SCAPER: variants seen among roughly 807,000 people sequenced by gnomAD.
SCAPER encodes S phase cyclin A-associated protein in the endoplasmic reticulum.
Under a neutral mutation model 182.2 loss-of-function variants are expected in SCAPER, and 98 were observed. The observed-to-expected ratio is 0.54, with a 90% confidence interval of 0.46 to 0.64. The LOEUF (loss-of-function observed/expected upper bound fraction) is 0.64, where lower values mean the gene tolerates loss of function less well. Ranked by LOEUF, SCAPER falls within the 30% of genes least tolerant of loss-of-function variation. The pLI is 0.00. For synonymous variants in SCAPER, 605 were observed against 564.6 expected (o/e 1.07, Z -1.01); for missense variants, 1,432 against 1,690.0 (o/e 0.85, Z 2.68).
chr15:76,881,999 A>G (rs1384934479), intron 2 of SCAPER, among the ~76,000 whole-genome samples: 1 of 152,224 alleles, frequency 6.6e-6, no homozygotes, highest in Non-Finnish European at 1.5e-5. Context: ...ATTTTGAACC[A>G]TGTAAATGCT....
At chr15:76,664,333 T>C (rs1243084660) in intron 21 of SCAPER, among the ~76,000 whole-genome samples, 1 of 152,192 alleles carries the variant, frequency 6.6e-6, no homozygotes, top group Admixed American at 6.5e-5. Flanking sequence ...ATTCTGAATA[T>C]ATTTTTAAAG....
chr15:76,424,645 T>G (rs1235778467), intron 26 of SCAPER, among the ~76,000 whole-genome samples: 1 of 152,218 alleles, frequency 6.6e-6, no homozygotes, highest in African/African-American at 2.4e-5. Flanking sequence ...TATGTGTGAA[T>G]TTGATCCTGC....
intron 21 of SCAPER, among the ~76,000 whole-genome samples, chr15:76,645,496 A>T (rs1181342134): frequency 6.6e-6 from 1 of 151,584 alleles, no homozygotes; most frequent in African/African-American, 2.4e-5. Flanking sequence ...ACAATACCTG[A>T]GGCATAATAA....
intron 2 of SCAPER, among the ~76,000 whole-genome samples, chr15:76,876,185 C>T (rs1398032633): frequency 1.3e-5 from 2 of 151,990 alleles, no homozygotes; most frequent in South Asian, 2.1e-4. Flanking sequence ...GGTTCCCGCC[C>T]GTGCCTCTCC....
chr15:76,554,202 C>A (rs1489950286), intron 23 of SCAPER, among the ~76,000 whole-genome samples: 1 of 152,132 alleles, frequency 6.6e-6, no homozygotes, highest in East Asian at 1.9e-4. Flanking sequence ...CAAGTATTAA[C>A]AGCACAATCA....
At chr15:76,881,848 C>T (rs2073560155) in intron 2 of SCAPER, among the ~76,000 whole-genome samples, 1 of 152,004 alleles carries the variant, frequency 6.6e-6, no homozygotes, top group Admixed American at 6.5e-5. Flanking sequence ...GAACTGTATA[C>T]TTAAAAATGG....
chr15:76,703,595 T>C (rs1035155122), intron 18 of SCAPER, among the ~76,000 whole-genome samples: 2 of 152,188 alleles, frequency 1.3e-5, no homozygotes, highest in Admixed American at 6.5e-5. Context: ...TAGAATGGCA[T>C]CGCACCTACC....
chr15:76,750,277 G>GT (rs963584764), intron 15 of SCAPER, among the ~76,000 whole-genome samples: 4 of 151,760 alleles, frequency 2.6e-5, no homozygotes, highest in Non-Finnish European at 5.9e-5. Context: ...CTTACAACTA[G>GT]TAAGGACATT....
intron 22 of SCAPER, among the ~76,000 whole-genome samples, chr15:76,617,616 T>C (rs997592716): frequency 1.3e-5 from 2 of 152,186 alleles, no homozygotes; most frequent in African/African-American, 4.8e-5. Context: ...TCCCTTCATG[T>C]GATTTCTCAC....
At chr15:76,542,437 C>A (rs747453175) in intron 23 of SCAPER, among the ~76,000 whole-genome samples, 1 of 151,898 alleles carries the variant, frequency 6.6e-6, no homozygotes, top group African/African-American at 2.4e-5. Context: ...GCAGGAGAAT[C>A]GCTTGAACCT....
chr15:76,376,438 C>T (rs1269845668), intron 28 of SCAPER, 127 bp from the exon 29 acceptor site: 1 of 1,008,918 alleles, frequency 9.9e-7, no homozygotes. Context: ...TTCTACAGTA[C>T]TATGCTTAAT....
At chr15:76,459,607 T>C (rs1286444093) in intron 25 of SCAPER, among the ~76,000 whole-genome samples, 18 of 151,430 alleles carry the variant, frequency 1.2e-4, no homozygotes, top group Non-Finnish European at 1.0e-4. Flanking sequence ...AGTTTGTAAA[T>C]ATTTTCTCCC....
intron 24 of SCAPER, among the ~76,000 whole-genome samples, chr15:76,494,140 A>G (rs1481243360): frequency 6.6e-6 from 1 of 152,212 alleles, no homozygotes; most frequent in East Asian, 1.9e-4. Flanking sequence ...AGGAGGTGAC[A>G]CATAGGTTCC....
chr15:76,602,307 A>G (rs1239912514), intron 22 of SCAPER, among the ~76,000 whole-genome samples: 1 of 121,558 alleles, frequency 8.2e-6, no homozygotes, highest in African/African-American at 2.5e-5. Context: ...AGGCAAGTCT[A>G]ATAGCAACAA....
rs12591036 is a variant in SCAPER, at chr15:76,897,748, G to C, written c.-60+7551C>G. 7.5e-4 allele frequency among the ~76,000 whole-genome samples: 114 copies of C among 152,274 alleles called. No homozygotes were observed. In the East Asian group the frequency reaches 0.02, roughly 26 times the overall value. Reference sequence around the variant, plus strand: ...AATTATTATTTCTTAAGTCCCACCAGATACTGATTAACTTGAAATCCTTAC... The same window carrying C: ...AATTATTATTTCTTAAGTCCCACCACATACTGATTAACTTGAAATCCTTAC... On this transcript the variant is annotated intron_variant, in intron 1 of 31. Transcript: ENST00000563290.
chr15:76,630,511 T>G (rs1223895729), intron 21 of SCAPER, among the ~76,000 whole-genome samples: 1 of 152,220 alleles, frequency 6.6e-6, no homozygotes, highest in African/African-American at 2.4e-5. Context: ...TTTGTTCTCA[T>G]TGGTTTCAAA....
chr15:76,700,938 T>C (rs1317302594), intron 20 of SCAPER, among the ~76,000 whole-genome samples: 1 of 152,132 alleles, frequency 6.6e-6, no homozygotes, highest in Non-Finnish European at 1.5e-5. Context: ...TAGTTAACTT[T>C]TGGGGACATA....
chr15:76,350,423 C>G (rs1237492642), intron 31 of SCAPER: 1 of 151,180 alleles, frequency 6.6e-6, no homozygotes, highest in Non-Finnish European at 1.5e-5. Context: ...CACCCCCACC[C>G]CCACCAAGTA....
At chr15:76,405,539 GACA>G (rs963410594) in intron 26 of SCAPER, among the ~76,000 whole-genome samples, 4 of 152,214 alleles carry the variant, frequency 2.6e-5, no homozygotes, top group Admixed American at 6.5e-5. Flanking sequence ...CCTGAGGGTT[GACA>G]ACAACATTTA....
Sources: gnomAD v4.1 joint callset for allele counts (sites outside exome capture counted in the v4.1 genomes callset) on GRCh38, gnomAD v4.1.1 for gene constraint, MANE v1.5 for transcripts, NCBI Gene and HGNC (gene_info 2026-07-23, HGNC 2026-07-21) for gene names.